The following COCH variants were observed in gnomAD, a reference collection of about 807,000 sequenced individuals.
COCH encodes cochlin, also known as coagulation factor C homolog, cochlin (Limulus polyphemus).
A neutral mutation model predicts 54.8 loss-of-function variants in COCH; 40 were observed. The observed-to-expected ratio is 0.73, with a 90% CI of 0.57 to 0.95. The LOEUF is 0.95. Ranked by LOEUF, COCH falls within the 40% of genes least tolerant of loss-of-function variation. The pLI is 0.00. For synonymous variants in COCH, 256 were observed against 237.9 expected (o/e 1.08, Z -0.70); for missense variants, 605 against 675.0 (o/e 0.90, Z 1.15).
rs763588874 is a variant in COCH at position 30,885,456 on chromosome 14, A to C, written c.796A>C (p.Ile266Leu). The C allele has an allele frequency of 6.2e-7, 1 of 1,614,144 alleles. No homozygotes were observed. The highest frequency in any genetic ancestry group is 1.1e-5 in the South Asian group (1 of 91,080). The change falls in exon 10 of 12, where the codon ATC becomes CTC. Residue 266 changes from isoleucine to leucine, a missense_variant. Ile to Leu is a conservative substitution (Grantham distance 5). Transcript: ENST00000396618. ...GGTAGATGCTGGAGTAAGAAAAGGG[A>C]TCCCCAAAGTGGTGGTGGTATTTAT... ...FTVDAGVRKGIPKVVVVFIDG... is the reference protein window; with the variant it reads ...FTVDAGVRKGLPKVVVVFIDG...
In COCH at chr14:30,875,489, A is replaced by T. The variant is rs142268102; in HGVS notation, c.82+386A>T. ...TGGGCTCTGCTGCGTTTGGGGGTGG[A>T]GGAGAAGCCGCCCAGACCCGACTTC... On this transcript the variant is annotated intron_variant, in intron 3 of 11. Transcript: ENST00000396618. 1,828 of 514,748 alleles carry T rather than the reference A, an allele frequency of 3.6e-3. 38 individuals are homozygous for T. Among genetic ancestry groups the T allele is most frequent in the Admixed American group, 0.03 (834 of 27,722 alleles). 31.9% of individuals were successfully genotyped at this position (514,748 alleles called of 1,614,324 possible). A position where few individuals can be genotyped will look rare whatever the true frequency, so the allele number is the denominator to read the frequency against.
chr14:30,892,260 A>G (rs1013596247), downstream of COCH, among the ~76,000 whole-genome samples: 2 of 152,224 alleles, frequency 1.3e-5, no homozygotes, highest in African/African-American at 4.8e-5. Flanking sequence ...ATAAACATAT[A>G]TACTAATTTT....
At chr14:30,874,874 C>T (rs1463699368) in intron 1 of COCH, 42 bp from the exon 2 acceptor site, 1 of 1,588,398 alleles carries the variant, frequency 6.3e-7, no homozygotes, top group Non-Finnish European at 8.6e-7. Context: ...CGCGCGGGGC[C>T]TCCCGCACCC....
chr14:30,882,304 A>G (rs1204094193), intron 8 of COCH, among the ~76,000 whole-genome samples: 3 of 151,166 alleles, frequency 2.0e-5, no homozygotes, highest in Non-Finnish European at 4.4e-5. Flanking sequence ...TAATTTTTGT[A>G]TTTTTAGTAG....
chr14:30,893,305 C>A (rs981235848), downstream of COCH, among the ~76,000 whole-genome samples: 1 of 151,998 alleles, frequency 6.6e-6, no homozygotes, highest in African/African-American at 2.4e-5. Flanking sequence ...CGCCACCACG[C>A]CCGGCTAATT....
chr14:30,890,330 G>A lies in COCH; in HGVS notation c.*539G>A. The A allele has an allele frequency of 1.0e-6, 1 of 985,562 alleles. No homozygotes were observed. Among genetic ancestry groups the A allele is most frequent in the Non-Finnish European group, 1.2e-6 (1 of 830,050 alleles). The allele number at this position is 985,562 out of a possible 1,614,324, so 61.1% of individuals were successfully genotyped here. A position where few individuals can be genotyped will look rare whatever the true frequency, so the allele number is the denominator to read the frequency against. ...AAATCTGGATATAGAAAGGAGACCTGTATCAAACTGCTTTTGTAGTGTGTT... is the reference window on the plus strand; with the variant it reads ...AAATCTGGATATAGAAAGGAGACCTATATCAAACTGCTTTTGTAGTGTGTT... On this transcript the variant is annotated 3_prime_UTR_variant, in exon 12 of 12. Transcript: ENST00000396618.
chr14:30,890,130 T>TGTC lies in COCH; in HGVS notation c.*339_*340insGTC. 2.0e-6 allele frequency: 2 copies of TGTC among 1,015,098 alleles called. No homozygotes were observed. Among genetic ancestry groups the TGTC allele is most frequent in the Non-Finnish European group, 2.4e-6 (2 of 847,234 alleles). 62.9% of individuals were successfully genotyped at this position (1,015,098 alleles called of 1,614,324 possible). A position where few individuals can be genotyped will look rare whatever the true frequency, so the allele number is the denominator to read the frequency against. On this transcript the variant is annotated 3_prime_UTR_variant, in exon 12 of 12. Coordinates refer to ENST00000396618, the MANE Select transcript of COCH (RefSeq NM_004086.3). The stretch of plus-strand genomic sequence containing the variant: ...TAGCTCAATAAAAGAATCTGATACT[T>TGTC]AGACCAAAAGCAACATTCGTTCTCT...
At chr14:30,887,151 G>GTAATTCA (rs1895817343) in intron 11 of COCH, among the ~76,000 whole-genome samples, 1 of 152,124 alleles carries the variant, frequency 6.6e-6, no homozygotes, top group African/African-American at 2.4e-5. Flanking sequence ...TCAGCACTTT[G>GTAATTCA]GGAGGCTGAG....
chr14:30,878,772 A>C, intron 4 of COCH, 39 bp from the exon 5 acceptor site: 1 of 1,614,026 alleles, frequency 6.2e-7, no homozygotes, highest in Non-Finnish European at 8.5e-7. Flanking sequence ...GCCCTGAAAA[A>C]GTGTGGATAG....
At chr14:30,884,898 T>C in intron 9 of COCH, 1 of 1,587,288 alleles carries the variant, frequency 6.3e-7, no homozygotes, top group Non-Finnish European at 8.5e-7. Context: ...TCTCATACAT[T>C]GGATTGACTA....
downstream of COCH, chr14:30,890,687 A>C (rs1304376625): frequency 2.0e-6 from 1 of 511,462 alleles, no homozygotes; most frequent in East Asian, 1.5e-4. Flanking sequence ...GGAAAGACCA[A>C]TCTGAATTGT....
rs772709865 is a variant in COCH at position 30,885,617 on chromosome 14, C to T, written c.957C>T (p.Asp319=). ...LGMVQDVTFV[D]KAVCRNNGFF... ...TGGTTCAGGATGTCACATTTGTTGA[C>T]AAGGTAAAGTGGTGAGGGTTATCTT... Residue 319 remains aspartate (D), a synonymous_variant, in exon 10 of 12, where the codon GAC becomes GAT. Transcript: ENST00000396618. 6.3e-7 allele frequency: 1 copy of T among 1,587,814 alleles called. No individual in the cohort carries two copies. Among genetic ancestry groups the T allele is most frequent in the Non-Finnish European group, 8.6e-7 (1 of 1,156,172 alleles).
At chr14:30,880,762 TAAA>T in intron 8 of COCH, 28 bp downstream of exon 8, 5 of 1,511,582 alleles carry the variant, frequency 3.3e-6, no homozygotes, top group Non-Finnish European at 4.6e-6. Flanking sequence ...ATGGGAGATT[TAAA>T]AAAAAAATTA....
chr14:30,891,152 C>A (rs1895972213), downstream of COCH, among the ~76,000 whole-genome samples: 1 of 152,148 alleles, frequency 6.6e-6, no homozygotes, highest in Non-Finnish European at 1.5e-5. Context: ...GTACTTGCTT[C>A]ACCAGAAATG....
In COCH at chr14:30,885,835, C is replaced by A. The variant is rs1298841183; in HGVS notation, c.1000C>A (p.Pro334Thr). ...RNNGFFSYHM[P>T]NWFGTTKYVK... ...TAATGGCTTCTTCTCTTACCACATG[C>A]CCAACTGGTTTGGCACCACAAAATA... Residue 334 changes from proline (P) to threonine (T), a missense_variant, in exon 11 of 12, where the codon CCC becomes ACC. Transcript: ENST00000396618. The A allele has an allele frequency of 1.2e-6, 2 of 1,614,104 alleles. No individual in the cohort carries two copies. Among genetic ancestry groups the A allele is most frequent in the Admixed American group, 3.3e-5 (2 of 60,030 alleles).
rs749335033 is a variant in COCH, at chr14:30,878,955, T to C, written c.373+11T>C. On this transcript the variant is annotated intron_variant, in intron 5 of 11. Transcript: ENST00000396618. Reference sequence around the variant, plus strand: ...CTTTCACAGTAACTAGTAGGTATAATTATTGTTCTCATTCTGTAATATTCT... The same window carrying C: ...CTTTCACAGTAACTAGTAGGTATAACTATTGTTCTCATTCTGTAATATTCT... 1.5e-5 allele frequency: 24 copies of C among 1,613,842 alleles called. No individual in the cohort carries two copies. The highest frequency in any genetic ancestry group is 1.7e-4 in the Middle Eastern group (1 of 5,856).
chr14:30,874,967 G>C lies in COCH; in HGVS notation c.29G>C (p.Gly10Ala). The change falls in exon 2 of 12, where the codon GGC becomes GCC. Residue 10 changes from glycine (G) to alanine (A), a missense_variant. Physicochemically the swap from Gly to Ala is moderately conservative, Grantham distance 60 (BLOSUM62 0). Coordinates refer to ENST00000396618, the MANE Select transcript of COCH (RefSeq NM_004086.3). ...TCCGCAGCCTGGATCCCGGCTCTCG[G>C]CCTCGGTGGGTGCGCGCCCCTCACG... MSAAWIPAL[G>A]LGVCLLLLPG... The C allele has an allele frequency of 2.5e-6, 4 of 1,613,352 alleles. No individual in the cohort carries two copies. The highest frequency in any genetic ancestry group is 3.4e-6 in the Non-Finnish European group (4 of 1,179,852).
chr14:30,895,272 C>T, downstream of COCH: 1 of 837,436 alleles, frequency 1.2e-6, no homozygotes, highest in Non-Finnish European at 1.8e-6. Context: ...GATGTGATTT[C>T]CACCAATTTG....
intron 8 of COCH, among the ~76,000 whole-genome samples, chr14:30,882,899 A>G (rs1022126596): frequency 6.6e-6 from 1 of 152,196 alleles, no homozygotes; most frequent in Non-Finnish European, 1.5e-5. Flanking sequence ...TAAAAAAACA[A>G]ATAAATAGCG....
Sources: allele counts gnomAD v4.1 joint callset (sites outside exome capture counted in the v4.1 genomes callset), GRCh38; gene constraint gnomAD v4.1.1; transcripts MANE v1.5; gene names NCBI Gene and HGNC (gene_info 2026-07-23, HGNC 2026-07-21).